Variants in RYR3 observed in about 807,000 individuals in gnomAD.
RYR3 encodes the protein brain ryanodine receptor-calcium release channel.
Under a neutral mutation model 584.3 loss-of-function variants are expected in RYR3, and 207 were observed. That is an observed-to-expected ratio of 0.35 (90% confidence interval 0.32 to 0.40). The LOEUF is 0.40. Ranked by LOEUF, RYR3 falls within the 10% of genes least tolerant of loss-of-function variation. The pLI is 1.00. For missense variants in RYR3, 5,616 were observed against 6,089.2 expected (o/e 0.92, Z 2.59); for synonymous variants, 2,416 against 2,248.5 (o/e 1.07, Z -2.11).
intron 3 of RYR3, among the ~76,000 whole-genome samples, chr15:33,519,863 G>T (rs1207990894): frequency 6.6e-6 from 1 of 151,980 alleles, no homozygotes; most frequent in Admixed American, 6.6e-5. Context: ...TCCACCCAAG[G>T]CTACTTCATA....
chr15:33,670,191 T>C (rs1161566480), intron 37 of RYR3, among the ~76,000 whole-genome samples: 3 of 152,028 alleles, frequency 2.0e-5, no homozygotes, highest in African/African-American at 7.2e-5. Context: ...TCAAAACACA[T>C]GTTTTAGGAT....
chr15:33,415,457 T>C (rs1160500977), intron 1 of RYR3, among the ~76,000 whole-genome samples: 1 of 152,008 alleles, frequency 6.6e-6, no homozygotes, highest in Non-Finnish European at 1.5e-5. Flanking sequence ...TTCCATATGT[T>C]CCACATACTC....
chr15:33,859,410 T>TGCAGTGGACA (rs1471202920), intron 99 of RYR3, among the ~76,000 whole-genome samples, 165 bp from the exon 100 acceptor site: 2 of 152,222 alleles, frequency 1.3e-5, no homozygotes, highest in Non-Finnish European at 2.9e-5. Context: ...GTCCAGAGGG[T>TGCAGTGGACA]GCAGTGGACA....
At chr15:33,833,970 A>G (rs1007356566) in intron 86 of RYR3, among the ~76,000 whole-genome samples, 1 of 152,194 alleles carries the variant, frequency 6.6e-6, no homozygotes, top group African/African-American at 2.4e-5. Flanking sequence ...TGTTGGCTCA[A>G]TAATGATCTT....
intron 75 of RYR3, 145 bp from the exon 76 acceptor site, chr15:33,818,433 A>G: frequency 1.6e-6 from 1 of 613,186 alleles, no homozygotes; most frequent in South Asian, 2.1e-5. Context: ...CTATCCTGAA[A>G]TAAATACATG....
chr15:33,319,230 C>T (rs926509780), intron 1 of RYR3, among the ~76,000 whole-genome samples: 2 of 152,172 alleles, frequency 1.3e-5, no homozygotes, highest in African/African-American at 2.4e-5. Context: ...TGATTTGAAT[C>T]GTGTTGCTCT....
intron 32 of RYR3, among the ~76,000 whole-genome samples, chr15:33,653,594 T>G (rs1192030191): frequency 6.6e-6 from 1 of 151,266 alleles, no homozygotes; most frequent in African/African-American, 2.4e-5. Flanking sequence ...CGCTTGAACC[T>G]GGGAGGCAGA....
At chr15:33,348,188 C>G (rs1972719521) in intron 1 of RYR3, among the ~76,000 whole-genome samples, 1 of 152,204 alleles carries the variant, frequency 6.6e-6, no homozygotes. Flanking sequence ...CTCACACCAT[C>G]TGCCCTGCAT....
intron 86 of RYR3, among the ~76,000 whole-genome samples, chr15:33,833,359 A>T (rs990735935): frequency 2.0e-5 from 3 of 152,188 alleles, no homozygotes; most frequent in African/African-American, 7.2e-5. Context: ...TTAAATTCTC[A>T]TCAAATAAAG....
chr15:33,685,488 A>T (rs2064933838), intron 38 of RYR3, among the ~76,000 whole-genome samples: 1 of 152,168 alleles, frequency 6.6e-6, no homozygotes, highest in African/African-American at 2.4e-5. Context: ...CTCCCACACA[A>T]TAATAATGGG....
chr15:33,481,271 CTG>C (rs1291521431), intron 2 of RYR3, among the ~76,000 whole-genome samples: 1 of 152,104 alleles, frequency 6.6e-6, no homozygotes, highest in Non-Finnish European at 1.5e-5. Context: ...TTTACAATCT[CTG>C]GTGTTTAATT....
chr15:33,655,288 T>C (rs1474998112), intron 32 of RYR3, among the ~76,000 whole-genome samples: 1 of 152,240 alleles, frequency 6.6e-6, no homozygotes, highest in Non-Finnish European at 1.5e-5. Flanking sequence ...TATACATTAC[T>C]GCTGTCCTTC....
rs2058821362 is a variant in RYR3 at position 33,585,847 on chromosome 15, T to C, written c.1670-151T>C. The C allele has an allele frequency of 5.2e-6, 3 of 577,426 alleles. No individual in the cohort carries two copies. The South Asian group carries it at 6.8e-5, about 13-fold the overall frequency. 35.8% of individuals were successfully genotyped at this position (577,426 alleles called of 1,614,324 possible). ...TCTGAAGTCTACCGGAAATGATGCA[T>C]TTTTTTTCTGGCTGGAAAGATTTGA... On this transcript the variant is annotated intron_variant, in intron 15 of 103. Coordinates refer to ENST00000634891, the MANE Select transcript of RYR3 (RefSeq NM_001036.6).
chr15:33,670,532 A>G lies in RYR3; in HGVS notation c.5836A>G (p.Thr1946Ala). The change falls in exon 38 of 104, where the codon ACG (threonine) becomes GCG (alanine). Residue 1946 changes from threonine (T) to alanine (A), a missense_variant. By Grantham distance (58) the Thr-to-Ala change is moderately conservative. Coordinates refer to ENST00000634891, the MANE Select transcript of RYR3 (RefSeq NM_001036.6). ...GPPKPEKEQPTEEEERCPTTL... is the reference protein window; with the variant it reads ...GPPKPEKEQPAEEEERCPTTL... ...ACCCAAGCCAGAGAAGGAGCAGCCG[A>G]CGGAGGAGGAGGAGAGATGCCCCAG... 6.3e-7 allele frequency: 1 copy of G among 1,594,598 alleles called. No individual in the cohort carries two copies. The highest frequency in any genetic ancestry group is 8.5e-7 in the Non-Finnish European group (1 of 1,173,440).
At chr15:33,488,586 G>T (rs562782816) in intron 2 of RYR3, among the ~76,000 whole-genome samples, 4 of 151,996 alleles carry the variant, frequency 2.6e-5, no homozygotes, top group Non-Finnish European at 1.5e-5. Context: ...GGGCATGGTG[G>T]CTGATGCCTG....
intron 1 of RYR3, among the ~76,000 whole-genome samples, chr15:33,401,266 C>T (rs1003680391): frequency 6.6e-6 from 1 of 152,176 alleles, no homozygotes; most frequent in South Asian, 2.1e-4. Flanking sequence ...GCACTGTTTA[C>T]ACTCATAGAG....
chr15:33,401,389 A>G (rs16970625), intron 1 of RYR3, among the ~76,000 whole-genome samples: 1,589 of 152,298 alleles, frequency 0.01, 43 homozygotes, highest in East Asian at 0.069. Context: ...TCACAAGTAC[A>G]CTGTATAGTG....
chr15:33,498,951 T>A (rs1490829181), intron 2 of RYR3, among the ~76,000 whole-genome samples: 1 of 152,192 alleles, frequency 6.6e-6, no homozygotes, highest in Non-Finnish European at 1.5e-5. Context: ...CCAGGGTATG[T>A]TCTTAATGCC....
chr15:33,634,512 G>C, intron 24 of RYR3, 74 bp from the exon 25 acceptor site: 1 of 1,503,550 alleles, frequency 6.7e-7, no homozygotes, highest in Non-Finnish European at 9.2e-7. Context: ...CTGTTGCTGG[G>C]AATATGTGAA....
Sources: allele counts gnomAD v4.1 joint callset (sites outside exome capture counted in the v4.1 genomes callset), GRCh38; gene constraint gnomAD v4.1.1; transcripts MANE v1.5; gene names NCBI Gene and HGNC (gene_info 2026-07-23, HGNC 2026-07-21).